The following UNC13C variants were observed in gnomAD, a reference collection of about 807,000 sequenced individuals.
UNC13C encodes the protein unc-13 homolog C, also known as protein unc-13 homolog C.
UNC13C carries 174 observed loss-of-function variants against 245.4 expected under a neutral mutation model. That is an observed-to-expected ratio of 0.71 (90% CI 0.63 to 0.80). UNC13C has a LOEUF of 0.80. Among genes scored for constraint, UNC13C ranks in the 30% least tolerant of loss-of-function variants. UNC13C has a pLI of 0.00. For synonymous variants in UNC13C, 992 were observed against 895.1 expected (o/e 1.11, Z -1.93); for missense variants, 2,829 against 2,602.9 (o/e 1.09, Z -1.89).
At chr15:53,890,036 A>T in the UNC13C span, among the ~76,000 whole-genome samples, 7 of 151,970 alleles carry the variant, frequency 4.6e-5, no homozygotes, top group Non-Finnish European at 1.5e-5. Context: ...TGTCTCTGCC[A>T]GGTTTTGGTA....
chr15:54,558,448 C>T (rs1267590263), intron 29 of UNC13C, among the ~76,000 whole-genome samples: 1 of 151,954 alleles, frequency 6.6e-6, no homozygotes, highest in Non-Finnish European at 1.5e-5. Flanking sequence ...TAAAATGTAG[C>T]AGGCTAAAAG....
At chr15:53,988,405 A>G (rs1219194558) in intron 1 of UNC13C, among the ~76,000 whole-genome samples, 1 of 152,002 alleles carries the variant, frequency 6.6e-6, no homozygotes, top group Non-Finnish European at 1.5e-5. Context: ...ATAAAAAAAT[A>G]ACAAAATTGT....
chr15:54,013,313 G>A lies in UNC13C; in HGVS notation c.410G>A (p.Ser137Asn), dbSNP rs1200273809. The change falls in exon 2 of 33, where the codon AGC becomes AAC. Residue 137 changes from serine (S) to asparagine (N), a missense_variant. Coordinates refer to ENST00000260323, the MANE Select transcript of UNC13C (RefSeq NM_001080534.3). ...GAATCATTAAATGAACTAAGGAGTA[G>A]CACAGAAAACCAGGCACAATCAACA... ...YSESLNELRS[S>N]TENQAQSTHT... 11 of 1,613,732 alleles carry A rather than the reference G, an allele frequency of 6.8e-6. No homozygotes were observed. The highest frequency in any genetic ancestry group is 5.3e-5 in the African/African-American group (4 of 74,914).
intron 22 of UNC13C, among the ~76,000 whole-genome samples, chr15:54,504,455 AC>A (rs1315620538): frequency 6.6e-6 from 1 of 152,180 alleles, no homozygotes; most frequent in African/African-American, 2.4e-5. Flanking sequence ...CAGACTAAAA[AC>A]GTTTAAATAA....
intron 22 of UNC13C, among the ~76,000 whole-genome samples, chr15:54,501,290 T>G (rs1894198736): frequency 6.6e-6 from 1 of 152,178 alleles, no homozygotes; most frequent in Non-Finnish European, 1.5e-5. Flanking sequence ...AAAGTAAGCC[T>G]TGGCAATTTC....
chr15:54,629,528 G>T (rs145577347), downstream of UNC13C: 6 of 152,232 alleles, frequency 3.9e-5, no homozygotes, highest in Non-Finnish European at 7.4e-5. Flanking sequence ...GGAAAATAAG[G>T]ATGAACTAAT....
At chr15:54,095,423 A>C (rs1899803500) in intron 2 of UNC13C, among the ~76,000 whole-genome samples, 1 of 152,196 alleles carries the variant, frequency 6.6e-6, no homozygotes. Context: ...CAAAAGCTGG[A>C]GTTGAATTTT....
intron 4 of UNC13C, among the ~76,000 whole-genome samples, chr15:54,184,377 A>G (rs1427791522): frequency 6.6e-6 from 1 of 151,986 alleles, no homozygotes; most frequent in East Asian, 1.9e-4. Context: ...TTAACTCGTC[A>G]TTTAGCATTA....
chr15:53,949,293 C>T, the UNC13C span, among the ~76,000 whole-genome samples: 18 of 152,140 alleles, frequency 1.2e-4, no homozygotes, highest in Admixed American at 8.5e-4. Context: ...TGCTAAATCC[C>T]GGACTGCTTT....
intron 13 of UNC13C, among the ~76,000 whole-genome samples, chr15:54,311,448 C>G (rs2037870439): frequency 6.6e-6 from 1 of 151,588 alleles, no homozygotes; most frequent in Non-Finnish European, 1.5e-5. Flanking sequence ...ACAAGAAAAA[C>G]ACTATGGTAA....
At chr15:54,186,478 T>A (rs1468727513) in intron 4 of UNC13C, among the ~76,000 whole-genome samples, 1 of 152,182 alleles carries the variant, frequency 6.6e-6, no homozygotes, top group Non-Finnish European at 1.5e-5. Context: ...TCAATTGGTA[T>A]ATCAAAATAA....
chr15:54,607,838 C>A (rs1899853161), intron 30 of UNC13C, among the ~76,000 whole-genome samples: 1 of 152,136 alleles, frequency 6.6e-6, no homozygotes, highest in Admixed American at 6.5e-5. Context: ...AATTTGCTCC[C>A]ATGATCCAAT....
intron 19 of UNC13C, among the ~76,000 whole-genome samples, chr15:54,455,547 G>A (rs1379394816): frequency 7.1e-6 from 1 of 141,282 alleles, no homozygotes; most frequent in Non-Finnish European, 1.5e-5. Flanking sequence ...TTTTAATTAT[G>A]GCCATTCTTG....
At chr15:54,125,921 A>G (rs2141203882) in intron 2 of UNC13C, among the ~76,000 whole-genome samples, 1 of 152,258 alleles carries the variant, frequency 6.6e-6, no homozygotes, top group African/African-American at 2.4e-5. Context: ...AATATCATGA[A>G]TTAAAGTCTG....
intron 26 of UNC13C, among the ~76,000 whole-genome samples, chr15:54,542,275 G>A (rs1896280678): frequency 6.6e-6 from 1 of 152,078 alleles, no homozygotes; most frequent in Non-Finnish European, 1.5e-5. Context: ...TCATTTAGGA[G>A]CAGGTTGTTC....
rs137943052 is a variant in UNC13C, at chr15:54,269,644, C to T, written c.3818+4148C>T. ...GACAATTCGCAGTGCTCATCCAGAC[C>T]AGGGCTAGTGCTTGTTCCCACCAGA... On this transcript the variant is annotated intron_variant, in intron 10 of 32. Transcript: ENST00000260323. Among the ~76,000 whole-genome samples the T allele has an allele frequency of 1.4e-4, 21 of 152,178 alleles. No homozygotes were observed. The East Asian group carries it at 3.3e-3, about 24-fold the overall frequency.
the UNC13C span, among the ~76,000 whole-genome samples, chr15:53,939,538 C>T: frequency 1.8e-4 from 28 of 152,054 alleles, no homozygotes; most frequent in African/African-American, 5.5e-4. Context: ...CAACAGAAAA[C>T]GAAAACTTCA....
chr15:54,252,143 G>A (rs2036167800), intron 8 of UNC13C, among the ~76,000 whole-genome samples: 1 of 152,062 alleles, frequency 6.6e-6, no homozygotes, highest in South Asian at 2.1e-4. Context: ...TTAGGGCAAT[G>A]ACATTTAAGA....
At chr15:54,497,870 A>G (rs1249169347) in intron 20 of UNC13C, among the ~76,000 whole-genome samples, 3 of 152,152 alleles carry the variant, frequency 2.0e-5, no homozygotes, top group Admixed American at 6.6e-5. Flanking sequence ...TCTCTGCCCT[A>G]GAAATAATGA....
Sources: gnomAD v4.1 joint callset for allele counts (sites outside exome capture counted in the v4.1 genomes callset) on GRCh38, gnomAD v4.1.1 for gene constraint, MANE v1.5 for transcripts, NCBI Gene and HGNC (gene_info 2026-07-23, HGNC 2026-07-21) for gene names.